Variants in KCTD16 observed in about 807,000 individuals in gnomAD.
KCTD16 encodes the protein potassium channel tetramerization domain containing 16.
A neutral mutation model predicts 33.2 loss-of-function variants in KCTD16; 13 were observed. That is an observed-to-expected ratio of 0.39 (90% CI 0.25 to 0.62). The LOEUF (loss-of-function observed/expected upper bound fraction) is 0.62, where lower values mean the gene tolerates loss of function less well. Ranked by LOEUF, KCTD16 falls within the 20% of genes least tolerant of loss-of-function variation. The pLI, the probability that KCTD16 is intolerant of heterozygous loss-of-function variation, is 0.50. For synonymous variants in KCTD16, 197 were observed against 195.3 expected (o/e 1.01, Z -0.07); for missense variants, 441 against 525.1 (o/e 0.84, Z 1.57).
rs374554671 is a variant in KCTD16, at chr5:144,459,362, C to CT, written c.833-14289dup. ...ATAATCCAGACTGGAAGTTTCTTTT[C>CT]TTTTTTTTTAATGGAGTCTTGCTTT... On this transcript the variant is annotated intron_variant, in intron 3 of 3. Transcript: ENST00000512467. 1.3e-4 allele frequency among the ~76,000 whole-genome samples: 20 copies of CT among 150,928 alleles called. No homozygotes were observed. The South Asian group carries it at 3.0e-3, about 22-fold the overall frequency.
At chr5:144,209,812 G>A (rs896237644) in intron 3 of KCTD16, among the ~76,000 whole-genome samples, 1 of 141,546 alleles carries the variant, frequency 7.1e-6, no homozygotes, top group East Asian at 2.0e-4. Context: ...ATATTTATAT[G>A]TGTGTATATA....
At chr5:144,452,946 T>C (rs994156049) in intron 3 of KCTD16, among the ~76,000 whole-genome samples, 2 of 152,138 alleles carry the variant, frequency 1.3e-5, no homozygotes, top group Non-Finnish European at 2.9e-5. Flanking sequence ...CGTATCTCAC[T>C]AATCATACAT....
At chr5:144,322,245 A>C (rs1752090926) in intron 3 of KCTD16, among the ~76,000 whole-genome samples, 1 of 152,140 alleles carries the variant, frequency 6.6e-6, no homozygotes, top group Non-Finnish European at 1.5e-5. Flanking sequence ...TGTTCTATCT[A>C]CCTGCCTAGC....
At chr5:144,364,585 A>G (rs17101840) in intron 3 of KCTD16, among the ~76,000 whole-genome samples, 2,874 of 152,350 alleles carry the variant, frequency 0.019, 80 homozygotes, top group African/African-American at 0.065. Flanking sequence ...GTGCTCTGTA[A>G]CATACATAAT....
At chr5:144,315,645 T>G (rs978269148) in intron 3 of KCTD16, among the ~76,000 whole-genome samples, 10 of 152,168 alleles carry the variant, frequency 6.6e-5, no homozygotes, top group African/African-American at 2.4e-4. Flanking sequence ...ACGGGTACTA[T>G]TATTTCCCAG....
chr5:144,354,594 A>G (rs1751529942), intron 3 of KCTD16, among the ~76,000 whole-genome samples: 1 of 152,200 alleles, frequency 6.6e-6, no homozygotes, highest in South Asian at 2.1e-4. Flanking sequence ...ACTGTAAAAC[A>G]GAGCTTTATT....
chr5:144,330,769 A>G (rs1335408272), intron 3 of KCTD16, among the ~76,000 whole-genome samples: 1 of 152,212 alleles, frequency 6.6e-6, no homozygotes, highest in Admixed American at 6.5e-5. Flanking sequence ...CTCACATCCA[A>G]GGTAGGCTGT....
chr5:144,440,657 C>A lies in KCTD16; in HGVS notation c.833-33003C>A, dbSNP rs1457052971. On this transcript the variant is annotated intron_variant, in intron 3 of 3. Transcript: ENST00000512467. ...GACCAGCTTGGGCGATATAATGAGG[C>A]CCTATCTCTACTGAAAAAAAAAAAA... is the stretch of plus-strand genomic sequence containing the variant. 2.7e-5 allele frequency among the ~76,000 whole-genome samples: 4 copies of A among 149,774 alleles called. No individual in the cohort carries two copies. In the South Asian group the frequency reaches 6.3e-4, roughly 23 times the overall value.
intron 3 of KCTD16, among the ~76,000 whole-genome samples, chr5:144,236,205 C>T (rs1353901913): frequency 6.6e-6 from 1 of 152,016 alleles, no homozygotes; most frequent in Non-Finnish European, 1.5e-5. Context: ...ATAATAAGTG[C>T]TATATCTGAG....
At position 144,300,204 on chromosome 5, in the gene KCTD16, C is replaced by T. The variant is rs561446122; in HGVS notation, c.832+92658C>T. ...AGCATTGAATCAAAAGAGATATAGA[C>T]GTATTCAGTGAAGTGTGGGAAGTAA... On this transcript the variant is annotated intron_variant, in intron 3 of 3. Coordinates refer to ENST00000512467, the MANE Select transcript of KCTD16 (RefSeq NM_020768.4). Among the ~76,000 whole-genome samples the T allele has an allele frequency of 2.0e-5, 3 of 152,170 alleles. No homozygotes were observed. The East Asian group carries it at 5.8e-4, about 29-fold the overall frequency.
chr5:144,198,302 T>G (rs904159031), intron 2 of KCTD16, among the ~76,000 whole-genome samples: 4 of 152,176 alleles, frequency 2.6e-5, no homozygotes, highest in African/African-American at 9.7e-5. Flanking sequence ...ATGCCAGACC[T>G]TGTGCTACCT....
intron 3 of KCTD16, among the ~76,000 whole-genome samples, chr5:144,306,612 C>T (rs1441597052): frequency 6.6e-6 from 1 of 152,174 alleles, no homozygotes; most frequent in African/African-American, 2.4e-5. Flanking sequence ...GTGACTTTCC[C>T]CTGGGCCTCA....
rs149936498 is a variant in KCTD16, at chr5:144,318,601, T to C, written c.832+111055T>C. ...CTCCCATCAGTTTTGTTAGTCCTTT[T>C]CTCATTCAGGACTATTTCCCTGAGG... On this transcript the variant is annotated intron_variant, in intron 3 of 3. Transcript: ENST00000512467. Among the ~76,000 whole-genome samples, 715 of 152,330 alleles carry C rather than the reference T, an allele frequency of 4.7e-3. 8 individuals are homozygous for C. The highest frequency in any genetic ancestry group is 7.6e-3 in the Admixed American group (116 of 15,294).
At chr5:144,368,166 T>A (rs1751881450) in intron 3 of KCTD16, among the ~76,000 whole-genome samples, 1 of 152,162 alleles carries the variant, frequency 6.6e-6, no homozygotes. Flanking sequence ...ATAATTTTGG[T>A]CCCTTTGACC....
chr5:144,309,512 A>T (rs991533947), intron 3 of KCTD16, among the ~76,000 whole-genome samples: 21 of 152,120 alleles, frequency 1.4e-4, no homozygotes, highest in African/African-American at 5.1e-4. Flanking sequence ...GAGTCTTCCA[A>T]GCCTTGTGAG....
chr5:144,468,625 A>G lies in KCTD16; in HGVS notation c.833-5035A>G, dbSNP rs570824205. Among the ~76,000 whole-genome samples, 5 of 152,306 alleles carry G rather than the reference A, an allele frequency of 3.3e-5. No homozygotes were observed. In the East Asian group the frequency reaches 9.6e-4, roughly 29 times the overall value. On this transcript the variant is annotated intron_variant, in intron 3 of 3. Transcript: ENST00000512467. ...AGGTTAGCAGAATTATAAAAACATC[A>G]ATTTGGCCATTATTGACTTTTCAAC... is the stretch of plus-strand genomic sequence containing the variant.
At chr5:144,277,972 T>C (rs965507354) in intron 3 of KCTD16, among the ~76,000 whole-genome samples, 1 of 152,214 alleles carries the variant, frequency 6.6e-6, no homozygotes, top group Non-Finnish European at 1.5e-5. Flanking sequence ...TCTCCCAACA[T>C]GTAGCTAGTC....
chr5:144,217,495 GA>G (rs1468809749), intron 3 of KCTD16, among the ~76,000 whole-genome samples: 1 of 152,202 alleles, frequency 6.6e-6, no homozygotes, highest in Non-Finnish European at 1.5e-5. Context: ...CTCTGGGACA[GA>G]GGGGTAATAA....
chr5:144,244,279 AC>A (rs1429601869), intron 3 of KCTD16, among the ~76,000 whole-genome samples: 4 of 152,196 alleles, frequency 2.6e-5, no homozygotes, highest in Non-Finnish European at 4.4e-5. Flanking sequence ...CTTGATTATG[AC>A]ATACTGAGTT....
Sources: allele counts gnomAD v4.1 joint callset (sites outside exome capture counted in the v4.1 genomes callset), GRCh38; gene constraint gnomAD v4.1.1; transcripts MANE v1.5; gene names NCBI Gene and HGNC (gene_info 2026-07-23, HGNC 2026-07-21).